The following LYN variants were observed in gnomAD, a reference collection of about 807,000 sequenced individuals.
LYN encodes the protein tyrosine-protein kinase Lyn.
LYN carries 12 observed loss-of-function variants against 65.0 expected under a neutral mutation model. The ratio of observed to expected loss-of-function variants is 0.18; its 90% confidence interval spans 0.12 to 0.30. The LOEUF (loss-of-function observed/expected upper bound fraction) is 0.30, where lower values mean the gene tolerates loss of function less well. Ranked by LOEUF, LYN falls within the 10% of genes least tolerant of loss-of-function variation. The pLI is 1.00. For synonymous variants in LYN, 222 were observed against 221.2 expected (o/e 1.00, Z -0.03); for missense variants, 380 against 623.2 (o/e 0.61, Z 4.16).
intron 8 of LYN, among the ~76,000 whole-genome samples, chr8:55,956,511 A>C (rs577058987): frequency 6.6e-6 from 1 of 152,364 alleles, no homozygotes; most frequent in South Asian, 2.1e-4. Context: ...TGGATCATTT[A>C]AATTTAGTTT....
chr8:55,931,195 C>G (rs188202593), intron 1 of LYN, among the ~76,000 whole-genome samples: 1 of 146,724 alleles, frequency 6.8e-6, no homozygotes, highest in East Asian at 2.0e-4. Context: ...ATATGTAACT[C>G]GTACATAGCA....
chr8:56,012,810 C>T lies in LYN; in HGVS notation c.*2700C>T, dbSNP rs553177567. Reference sequence around the variant, plus strand: ...TCACCATTTGGTTTGACCCATATTACAAAGCCCAGCCTTCTTTTTCCTCAG... The same window carrying T: ...TCACCATTTGGTTTGACCCATATTATAAAGCCCAGCCTTCTTTTTCCTCAG... On this transcript the variant is annotated 3_prime_UTR_variant, in exon 13 of 13. Transcript: ENST00000519728. 5 of 152,128 alleles carry T rather than the reference C, an allele frequency of 3.3e-5. No homozygotes were observed. Among genetic ancestry groups the T allele is most frequent in the African/African-American group, 1.2e-4 (5 of 41,428 alleles). 9.4% of individuals were successfully genotyped at this position (152,128 alleles called of 1,614,324 possible). A position where few individuals can be genotyped will look rare whatever the true frequency, so the allele number is the denominator to read the frequency against.
Position 55,953,812 on chromosome 8 carries a change from A to G in LYN, c.638-20A>G. The G allele has an allele frequency of 8.7e-6, 14 of 1,611,972 alleles. No homozygotes were observed. The highest frequency in any genetic ancestry group is 2.2e-5 in the East Asian group (1 of 44,844). On this transcript the variant is annotated intron_variant, in intron 7 of 12. Transcript: ENST00000519728. ...CAAAGTATTGCATTTCTTAACCTTC[A>G]TTTTTCCCTTTCAAATTAGAGCAGG...
intron 1 of LYN, among the ~76,000 whole-genome samples, chr8:55,937,710 T>C (rs923038791): frequency 6.6e-6 from 1 of 152,210 alleles, no homozygotes; most frequent in Non-Finnish European, 1.5e-5. Flanking sequence ...GTTTTGTTTT[T>C]TTGATGGAGT....
chr8:55,946,444 G>A lies in LYN; in HGVS notation c.133-4G>A, dbSNP rs774195758. ...TTTTTTTTCTAACAAATATTCTCTC[G>A]TAGGTTCCAGAATCTCAGCTTTTAC... On this transcript the variant is annotated splice_polypyrimidine_tract_variant and splice_region_variant and intron_variant, in intron 2 of 12. Coordinates refer to ENST00000519728, the MANE Select transcript of LYN (RefSeq NM_002350.4). 52 of 1,600,102 alleles carry A rather than the reference G, an allele frequency of 3.2e-5. No homozygotes were observed. In the South Asian group the frequency reaches 3.5e-4, roughly 11 times the overall value.
At chr8:56,001,143 T>C (rs1808499856) in intron 12 of LYN, among the ~76,000 whole-genome samples, 1 of 152,084 alleles carries the variant, frequency 6.6e-6, no homozygotes, top group African/African-American at 2.4e-5. Flanking sequence ...CTCTGAGGTC[T>C]GCATGTCCCC....
chr8:55,899,214 T>C (rs16922355), intron 1 of LYN, among the ~76,000 whole-genome samples: 5,949 of 152,066 alleles, frequency 0.039, 368 homozygotes, highest in African/African-American at 0.13. Context: ...TTGTCCTCTG[T>C]TAGGTAGTCA....
chr8:55,887,212 T>G (rs11991299), intron 1 of LYN, among the ~76,000 whole-genome samples: 59,829 of 152,112 alleles, frequency 0.39, 12,173 homozygotes, highest in East Asian at 0.67. Flanking sequence ...CCCAGCACTC[T>G]GGGAGCATGA....
chr8:55,983,989 C>T (rs572600394), intron 10 of LYN, among the ~76,000 whole-genome samples: 4 of 152,118 alleles, frequency 2.6e-5, no homozygotes, highest in East Asian at 1.9e-4. Flanking sequence ...AGAATCCTTC[C>T]GTACCTCTTC....
chr8:55,883,599 A>G (rs943214231), intron 1 of LYN, among the ~76,000 whole-genome samples: 1 of 152,216 alleles, frequency 6.6e-6, no homozygotes, highest in Non-Finnish European at 1.5e-5. Flanking sequence ...ATACTTTGCA[A>G]AAGGACTTTC....
chr8:55,991,218 T>A (rs747196660), intron 10 of LYN, among the ~76,000 whole-genome samples: 1 of 152,110 alleles, frequency 6.6e-6, no homozygotes. Context: ...GCCCCAAGGG[T>A]ATCTTTGTTG....
intron 8 of LYN, among the ~76,000 whole-genome samples, chr8:55,954,702 G>T (rs1376087818): frequency 6.6e-6 from 1 of 152,084 alleles, no homozygotes. Context: ...AGGTGCCATG[G>T]TATGTGCCTG....
chr8:55,884,091 T>C (rs1804720166), intron 1 of LYN, among the ~76,000 whole-genome samples: 1 of 152,162 alleles, frequency 6.6e-6, no homozygotes. Flanking sequence ...ATTTTTGTTG[T>C]TGTTGTTTTG....
intron 10 of LYN, 140 bp from the exon 11 acceptor site, chr8:55,998,206 C>A: frequency 1.8e-6 from 1 of 566,298 alleles, no homozygotes; most frequent in Non-Finnish European, 3.1e-6. Flanking sequence ...TTGCCATTAC[C>A]CACTGTCTTT....
chr8:55,962,344 G>A (rs934015771), intron 8 of LYN, among the ~76,000 whole-genome samples: 6 of 151,388 alleles, frequency 4.0e-5, no homozygotes, highest in African/African-American at 1.5e-4. Context: ...TATGGTGTTG[G>A]TGAGATGCAT....
At chr8:55,943,489 T>C (rs189712616) in intron 2 of LYN, among the ~76,000 whole-genome samples, 1 of 151,146 alleles carries the variant, frequency 6.6e-6, no homozygotes, top group Non-Finnish European at 1.5e-5. Context: ...GGAAGAAGAA[T>C]TGCTTGAACC....
chr8:55,967,305 CA>C lies in LYN; in HGVS notation c.973+409del, dbSNP rs1807486878. 2.7e-3 allele frequency among the ~76,000 whole-genome samples: 353 copies of C among 131,530 alleles called. 1 individual carries two copies. Among genetic ancestry groups the C allele is most frequent in the African/African-American group, 8.8e-3 (310 of 35,094 alleles). 86.3% of individuals were successfully genotyped at this position (131,530 alleles called of 152,430 possible). On this transcript the variant is annotated intron_variant, in intron 9 of 12. Transcript: ENST00000519728. The stretch of plus-strand genomic sequence containing the variant: ...ATTGTTCAGTACCAAATTCCTCTTT[CA>C]TTTTTTTTTTTTTTTTTTTTTTTTT...
At chr8:55,950,379 A>G in intron 4 of LYN, 80 bp from the exon 5 acceptor site, 1 of 896,338 alleles carries the variant, frequency 1.1e-6, no homozygotes, top group Non-Finnish European at 1.8e-6. Context: ...ATACATATTT[A>G]TGGGATATCT....
At chr8:55,984,510 T>A (rs183262885) in intron 10 of LYN, among the ~76,000 whole-genome samples, 3 of 152,366 alleles carry the variant, frequency 2.0e-5, no homozygotes, top group Admixed American at 2.0e-4. Flanking sequence ...TTCTTGACCC[T>A]CTTCCTTTTA....
Sources: allele counts gnomAD v4.1 joint callset (sites outside exome capture counted in the v4.1 genomes callset), GRCh38; gene constraint gnomAD v4.1.1; transcripts MANE v1.5; gene names NCBI Gene and HGNC (gene_info 2026-07-23, HGNC 2026-07-21).